Variants in ZNF385D observed in about 807,000 individuals in gnomAD.
ZNF385D encodes the protein zinc finger protein 385D, also known as zinc finger protein 659.
In ZNF385D, 15 loss-of-function variants were observed where a neutral mutation model predicts 35.8. The ratio of observed to expected loss-of-function variants is 0.42; its 90% CI spans 0.28 to 0.64. The LOEUF is 0.64. ZNF385D is among the 30% of genes least tolerant of loss of function. The probability of loss-of-function intolerance (pLI) is 0.23; values close to 1 mark genes in which losing one functional copy is unlikely to be tolerated. For synonymous variants in ZNF385D, 212 were observed against 186.8 expected, an observed-to-expected ratio of 1.13 and a Z score of -1.10; for missense variants, 474 against 494.6, an observed-to-expected ratio of 0.96 and a Z score of 0.39.
chr3:22,180,915 T>C (rs1268679221), intron 2 of ZNF385D, among the ~76,000 whole-genome samples: 1 of 48,524 alleles, frequency 2.1e-5, no homozygotes, highest in Non-Finnish European at 3.8e-5. Context: ...GCTTTTGTTC[T>C]TTTTTTTTTT....
chr3:22,334,076 G>A (rs1695056776), intron 2 of ZNF385D, among the ~76,000 whole-genome samples: 1 of 152,008 alleles, frequency 6.6e-6, no homozygotes, highest in African/African-American at 2.4e-5. Context: ...TAAATTTTAT[G>A]CGTTCACATA....
At chr3:22,099,625 C>T (rs1701819568) in intron 3 of ZNF385D, among the ~76,000 whole-genome samples, 1 of 151,958 alleles carries the variant, frequency 6.6e-6, no homozygotes, top group African/African-American at 2.4e-5. Flanking sequence ...GAAATAATCC[C>T]TTGTGTGCCC....
intron 2 of ZNF385D, among the ~76,000 whole-genome samples, chr3:22,249,284 A>G (rs932189744): frequency 5.9e-5 from 9 of 152,182 alleles, no homozygotes; most frequent in African/African-American, 2.2e-4. Flanking sequence ...CCCCACCCAT[A>G]TTAGCAACTG....
intron 3 of ZNF385D, among the ~76,000 whole-genome samples, chr3:22,050,736 A>C (rs970709942): frequency 1.3e-5 from 2 of 152,212 alleles, no homozygotes; most frequent in African/African-American, 4.8e-5. Flanking sequence ...AAATTATATT[A>C]ATTCATTGTG....
At chr3:21,628,036 G>A (rs1337891553) in intron 2 of ZNF385D, among the ~76,000 whole-genome samples, 1 of 152,106 alleles carries the variant, frequency 6.6e-6, no homozygotes, top group East Asian at 1.9e-4. Flanking sequence ...ATTGAGCAAT[G>A]CTTGAATGAG....
chr3:21,488,301 G>A (rs1341598998), intron 4 of ZNF385D, among the ~76,000 whole-genome samples: 3 of 150,912 alleles, frequency 2.0e-5, no homozygotes, highest in Non-Finnish European at 2.9e-5. Context: ...GAGGAAGCAT[G>A]CCAGGGTTTT....
chr3:21,734,749 A>C (rs2069168325), intron 1 of ZNF385D, among the ~76,000 whole-genome samples: 1 of 152,140 alleles, frequency 6.6e-6, no homozygotes, highest in Admixed American at 6.5e-5. Flanking sequence ...AGGAAATAAG[A>C]ACCTTTGGAG....
chr3:22,365,092 C>G (rs1559543358), intron 2 of ZNF385D, among the ~76,000 whole-genome samples: 1 of 151,812 alleles, frequency 6.6e-6, no homozygotes, highest in Non-Finnish European at 1.5e-5. Flanking sequence ...GGGCTGTGGG[C>G]AGGGAAGAAT....
At chr3:21,663,520 A>G (rs1479506558) in intron 2 of ZNF385D, among the ~76,000 whole-genome samples, 1 of 152,028 alleles carries the variant, frequency 6.6e-6, no homozygotes, top group African/African-American at 2.4e-5. Context: ...TTAACAGAAG[A>G]GCAGGCAAGA....
At chr3:21,840,567 A>T (rs1695602437) in intron 3 of ZNF385D, among the ~76,000 whole-genome samples, 1 of 93,060 alleles carries the variant, frequency 1.1e-5, no homozygotes, top group African/African-American at 5.2e-5. Flanking sequence ...TTTCAAGAAA[A>T]GTTTTGTTTT....
intron 2 of ZNF385D, among the ~76,000 whole-genome samples, chr3:22,238,106 G>A (rs771445319): frequency 6.6e-6 from 1 of 150,942 alleles, no homozygotes; most frequent in Non-Finnish European, 1.5e-5. Context: ...AACAAAAAAG[G>A]TAGATCACAG....
At chr3:22,316,268 C>G (rs1703879607) in intron 2 of ZNF385D, among the ~76,000 whole-genome samples, 1 of 152,138 alleles carries the variant, frequency 6.6e-6, no homozygotes, top group Non-Finnish European at 1.5e-5. Context: ...CTCAGGGAGG[C>G]AGATTTGAGT....
At chr3:22,012,905 G>A (rs548158280) in intron 3 of ZNF385D, among the ~76,000 whole-genome samples, 1 of 152,204 alleles carries the variant, frequency 6.6e-6, no homozygotes, top group Non-Finnish European at 1.5e-5. Context: ...ATAGGCTCCA[G>A]GTCAAAGATA....
intron 1 of ZNF385D, among the ~76,000 whole-genome samples, chr3:21,686,644 C>T (rs2067114473): frequency 6.6e-6 from 1 of 152,254 alleles, no homozygotes; most frequent in African/African-American, 2.4e-5. Flanking sequence ...GTGTATTTTG[C>T]ACTTACATAC....
chr3:22,328,767 A>C (rs183272267), intron 2 of ZNF385D, among the ~76,000 whole-genome samples: 1 of 150,456 alleles, frequency 6.6e-6, no homozygotes, highest in East Asian at 2.0e-4. Context: ...TCGCCAAAAA[A>C]AAAAAGTTAA....
chr3:21,672,423 C>T (rs1279101960), intron 1 of ZNF385D, among the ~76,000 whole-genome samples: 5 of 151,996 alleles, frequency 3.3e-5, no homozygotes, highest in African/African-American at 9.7e-5. Flanking sequence ...GGTCTGATCC[C>T]ATAAGGGCAA....
At chr3:21,900,878 T>C (rs1255050277) in intron 3 of ZNF385D, among the ~76,000 whole-genome samples, 1 of 152,136 alleles carries the variant, frequency 6.6e-6, no homozygotes, top group Non-Finnish European at 1.5e-5. Flanking sequence ...CTGGACATCA[T>C]CTAATTTAGT....
intron 1 of ZNF385D, among the ~76,000 whole-genome samples, chr3:21,744,761 C>T (rs901656080): frequency 6.6e-6 from 1 of 151,610 alleles, no homozygotes; most frequent in African/African-American, 2.4e-5. Context: ...AAAGAAGCAA[C>T]TAGAAACAGA....
chr3:22,004,778 A>G (rs1317741436), intron 3 of ZNF385D, among the ~76,000 whole-genome samples: 1 of 152,170 alleles, frequency 6.6e-6, no homozygotes, highest in African/African-American at 2.4e-5. Context: ...TTTTGTCCTT[A>G]TCTACCTATT....
Sources: gnomAD v4.1 joint callset for allele counts (sites outside exome capture counted in the v4.1 genomes callset) on GRCh38, gnomAD v4.1.1 for gene constraint, MANE v1.5 for transcripts, NCBI Gene and HGNC (gene_info 2026-07-23, HGNC 2026-07-21) for gene names.